Variants in UNC80 observed in about 807,000 individuals in gnomAD.
UNC80 encodes unc-80 subunit of NALCN channel complex.
Under a neutral mutation model 384.6 loss-of-function variants are expected in UNC80, and 164 were observed. The ratio of observed to expected loss-of-function variants is 0.43; its 90% CI spans 0.38 to 0.49. The LOEUF (loss-of-function observed/expected upper bound fraction) is 0.49. Ranked by LOEUF, UNC80 falls within the 20% of genes least tolerant of loss-of-function variation. The pLI, the probability that UNC80 is intolerant of heterozygous loss-of-function variation, is 0.00. For synonymous variants in UNC80, 1,486 were observed against 1,527.8 expected, an observed-to-expected ratio of 0.97 and a Z score of 0.64; for missense variants, 3,330 against 4,143.0, an observed-to-expected ratio of 0.80 and a Z score of 5.39.
At chr2:209,900,742 T>A in intron 28 of UNC80, among the ~76,000 whole-genome samples, 1 of 152,186 alleles carries the variant, frequency 6.6e-6, no homozygotes, top group East Asian at 1.9e-4. Flanking sequence ...AGTTGTGATT[T>A]CAAAGGAAAA....
chr2:209,906,424 A>G (rs536194767), intron 29 of UNC80, among the ~76,000 whole-genome samples: 1 of 152,336 alleles, frequency 6.6e-6, no homozygotes, highest in South Asian at 2.1e-4. Context: ...GGTATAAAGT[A>G]AGTACATTTC....
intron 7 of UNC80, among the ~76,000 whole-genome samples, chr2:209,805,271 C>G (rs975784140): frequency 1.3e-5 from 2 of 152,216 alleles, no homozygotes; most frequent in Non-Finnish European, 2.9e-5. Flanking sequence ...AAGGATTCTC[C>G]TTCTCCAGTT....
At chr2:209,971,754 C>T (rs1244276971) in intron 54 of UNC80, among the ~76,000 whole-genome samples, 1 of 152,202 alleles carries the variant, frequency 6.6e-6, no homozygotes, top group East Asian at 1.9e-4. Flanking sequence ...GTACAAAGAT[C>T]ACATATTTCT....
chr2:209,886,557 C>T (rs961086835), intron 25 of UNC80, among the ~76,000 whole-genome samples: 6 of 152,086 alleles, frequency 3.9e-5, no homozygotes, highest in African/African-American at 1.4e-4. Context: ...TTACTTTCCT[C>T]GAGGCTTACT....
rs2093477984 is a variant in UNC80 at position 209,995,984 on chromosome 2, A to G, written c.*389A>G. Reference sequence around the variant, plus strand: ...TTTTTTGAGATTACTCACATTATACATCTCATGCAAATATTTATTTTTATA... The same window carrying G: ...TTTTTTGAGATTACTCACATTATACGTCTCATGCAAATATTTATTTTTATA... On this transcript the variant is annotated 3_prime_UTR_variant, in exon 65 of 65. Transcript: ENST00000673920. The G allele has an allele frequency of 6.3e-6, 1 of 157,798 alleles. No homozygotes were observed. Among genetic ancestry groups the G allele is most frequent in the South Asian group, 1.9e-4 (1 of 5,370 alleles). 9.8% of individuals were successfully genotyped at this position (157,798 alleles called of 1,614,324 possible).
chr2:209,886,511 A>G (rs981496906), intron 25 of UNC80, among the ~76,000 whole-genome samples: 2 of 152,170 alleles, frequency 1.3e-5, no homozygotes, highest in Admixed American at 1.3e-4. Context: ...CAAATTCTCA[A>G]TTTGGGGCCT....
At position 209,817,847 on chromosome 2, in the gene UNC80, A is replaced by C; in HGVS notation, c.1588A>C (p.Thr530Pro). Residue 530 changes from threonine (T) to proline (P), a missense_variant, in exon 11 of 65, where the codon ACT (threonine) becomes CCT (proline). Physicochemically the swap from Thr to Pro is conservative, Grantham distance 38. Around this residue, in one of 8 missense-constraint regions of UNC80, gnomAD observed 937 missense variants for 1,026.8 expected, o/e 0.91. Coordinates refer to ENST00000673920, the MANE Select transcript of UNC80 (RefSeq NM_001371986.1). ...CCGGCGAGGCAGTTCAGATGCAGCC[A>C]CTGAGATGGAGAGTCTGAGCGCCAG... ...LTRRGSSDAA[T>P]EMESLSARHS... is the part of the protein sequence containing the mutation. 1 of 1,551,682 alleles carries C rather than the reference A, an allele frequency of 6.4e-7. No individual in the cohort carries two copies.
At chr2:209,813,513 C>A (rs2079513501) in intron 7 of UNC80, 67 bp from the exon 8 acceptor site, 2 of 1,462,450 alleles carry the variant, frequency 1.4e-6, no homozygotes, top group East Asian at 5.0e-5. Context: ...GAGCTATAAG[C>A]CATGCTGTGC....
intron 29 of UNC80, among the ~76,000 whole-genome samples, chr2:209,909,362 A>G (rs1295232297): frequency 2.0e-5 from 3 of 152,216 alleles, no homozygotes; most frequent in African/African-American, 7.2e-5. Context: ...GAAACTAGGG[A>G]CAGGAAAAGA....
At chr2:209,992,276 C>G in intron 62 of UNC80, 29 bp downstream of exon 62, 1 of 1,538,714 alleles carries the variant, frequency 6.5e-7, no homozygotes, top group South Asian at 1.2e-5. Flanking sequence ...CGCAAGAGAA[C>G]CATCCTACGA....
chr2:209,979,915 GA>G (rs2093117737), intron 59 of UNC80, among the ~76,000 whole-genome samples: 1 of 152,170 alleles, frequency 6.6e-6, no homozygotes, highest in Admixed American at 6.5e-5. Flanking sequence ...AATTAACTAA[GA>G]TGAATAAAAG....
intron 52 of UNC80, 152 bp downstream of exon 52, chr2:209,967,789 A>C (rs1428539701): frequency 1.6e-6 from 1 of 637,014 alleles, no homozygotes; most frequent in East Asian, 2.8e-5. Context: ...ATGAATGCCT[A>C]AGTAGCAAAG....
intron 7 of UNC80, among the ~76,000 whole-genome samples, chr2:209,806,954 C>G (rs527546780): frequency 6.6e-6 from 1 of 152,294 alleles, no homozygotes; most frequent in East Asian, 1.9e-4. Context: ...TATCAGGTCT[C>G]AACCCTAATT....
intron 49 of UNC80, among the ~76,000 whole-genome samples, chr2:209,958,814 T>A (rs1048959936): frequency 6.6e-6 from 1 of 152,202 alleles, no homozygotes; most frequent in Non-Finnish European, 1.5e-5. Context: ...AACTTAAATT[T>A]CAAAATGTCC....
At chr2:209,905,866 T>C (rs2088132914) in intron 29 of UNC80, among the ~76,000 whole-genome samples, 1 of 152,186 alleles carries the variant, frequency 6.6e-6, no homozygotes, top group South Asian at 2.1e-4. Context: ...AGGGCTGCTG[T>C]GCTTCTGCCA....
chr2:209,820,936 A>G (rs2080090087), intron 13 of UNC80, among the ~76,000 whole-genome samples: 1 of 152,194 alleles, frequency 6.6e-6, no homozygotes, highest in African/African-American at 2.4e-5. Flanking sequence ...TCTGCAAGAG[A>G]ACATTTCAGT....
chr2:209,793,824 C>G lies in UNC80; in HGVS notation c.903C>G (p.Ser301=), dbSNP rs140307609. ...ACTCCTTTGATGGAAGTCTGTCCTCCCAAACTTCCCAGGAAAGAGGCCCAT... is the reference window on the plus strand; with the variant it reads ...ACTCCTTTGATGGAAGTCTGTCCTCGCAAACTTCCCAGGAAAGAGGCCCAT... ...RGNSFDGSLS[S]QTSQERGPSH... is the part of the protein sequence containing the mutation. Residue 301 remains serine (S), a synonymous_variant, in exon 7 of 65, where the codon TCC becomes TCG. Transcript: ENST00000673920. The G allele has an allele frequency of 5.6e-5, 90 of 1,613,948 alleles. No homozygotes were observed. In the Admixed American group the frequency reaches 6.8e-4, roughly 12 times the overall value.
intron 13 of UNC80, among the ~76,000 whole-genome samples, chr2:209,822,136 C>T (rs9288412): frequency 0.11 from 17,478 of 152,098 alleles, 1,736 homozygotes; most frequent in African/African-American, 0.26. Context: ...ATCCAAATAT[C>T]CTTGCTCCGA....
chr2:209,959,848 A>C (rs2092536016), intron 51 of UNC80, 141 bp downstream of exon 51: 10 of 745,460 alleles, frequency 1.3e-5, no homozygotes, highest in Non-Finnish European at 2.2e-5. Context: ...TTAGGTACAC[A>C]TCATACAGAA....
Sources: allele counts gnomAD v4.1 joint callset (sites outside exome capture counted in the v4.1 genomes callset), GRCh38; gene constraint gnomAD v4.1.1; regional missense constraint gnomAD v4.1.1; transcripts MANE v1.5; gene names NCBI Gene and HGNC (gene_info 2026-07-23, HGNC 2026-07-21).